Variants in OMA1 observed in about 807,000 individuals in gnomAD.
The protein encoded by OMA1 is metalloendopeptidase OMA1, mitochondrial.
In OMA1, 38 loss-of-function variants were observed where a neutral mutation model predicts 30.9. The observed-to-expected ratio is 1.23, with a 90% CI of 0.95 to 1.61. The LOEUF is 1.61. Among genes scored for constraint, OMA1 ranks in the 40% most tolerant of loss-of-function variants. OMA1 has a pLI of 0.00. For missense variants in OMA1, 461 were observed against 349.2 expected, an observed-to-expected ratio of 1.32 and a Z score of -2.55; for synonymous variants, 173 against 121.9, an observed-to-expected ratio of 1.42 and a Z score of -2.76.
At chr1:58,504,126 G>C (rs903562650) in intron 8 of OMA1, among the ~76,000 whole-genome samples, 1 of 152,086 alleles carries the variant, frequency 6.6e-6, no homozygotes, top group Non-Finnish European at 1.5e-5. Context: ...TAAAACATGA[G>C]TCAAATCAAG....
chr1:58,530,413 G>A (rs1646416752), intron 6 of OMA1, among the ~76,000 whole-genome samples, 188 bp downstream of exon 6: 1 of 152,154 alleles, frequency 6.6e-6, no homozygotes, highest in South Asian at 2.1e-4. Context: ...GAGAGATGTA[G>A]TATTCCTTAA....
At chr1:58,482,367 G>A (rs373874649) in intron 8 of OMA1, among the ~76,000 whole-genome samples, 2 of 152,342 alleles carry the variant, frequency 1.3e-5, no homozygotes. Context: ...ACTGATGGCA[G>A]GGTTGAGGGA....
At chr1:58,507,256 T>C (rs150643535) in intron 7 of OMA1, among the ~76,000 whole-genome samples, 1 of 152,026 alleles carries the variant, frequency 6.6e-6, no homozygotes, top group Admixed American at 6.6e-5. Flanking sequence ...TTCCCAATGA[T>C]TTTATTTTTG....
intron 7 of OMA1, among the ~76,000 whole-genome samples, chr1:58,523,980 C>T (rs571081134): frequency 1.3e-5 from 2 of 152,282 alleles, no homozygotes; most frequent in South Asian, 4.1e-4. Context: ...GGAACCAATC[C>T]AGAAAAAGCG....
chr1:58,530,889 C>T (rs1646424927), intron 5 of OMA1, among the ~76,000 whole-genome samples, 160 bp from the exon 6 acceptor site: 1 of 152,134 alleles, frequency 6.6e-6, no homozygotes, highest in South Asian at 2.1e-4. Context: ...GTCTGTTTTT[C>T]CCTTCCTTGG....
At chr1:58,488,361 G>A (rs1023708577) in intron 8 of OMA1, among the ~76,000 whole-genome samples, 8 of 152,102 alleles carry the variant, frequency 5.3e-5, no homozygotes, top group African/African-American at 1.7e-4. Context: ...TTGGGGAACA[G>A]GCAGTGTTCA....
chr1:58,518,272 G>GGA (rs1553123875), intron 7 of OMA1, among the ~76,000 whole-genome samples: 2 of 650 alleles, frequency 3.1e-3, no homozygotes, highest in Non-Finnish European at 5.4e-3. Context: ...AGAGGAGAGA[G>GGA]GAGAGGAGAA....
At chr1:58,546,374 A>C (rs1430397803) in intron 1 of OMA1, among the ~76,000 whole-genome samples, 1 of 152,052 alleles carries the variant, frequency 6.6e-6, no homozygotes, top group African/African-American at 2.4e-5. Context: ...GCTGAGGGGG[A>C]GGGCAGGCGG....
chr1:58,542,496 A>G (rs1646637979), intron 1 of OMA1: 1 of 152,228 alleles, frequency 6.6e-6, no homozygotes, highest in African/African-American at 2.4e-5. Context: ...ATGCATTCTT[A>G]AAAAGACATC....
chr1:58,544,881 A>G (rs1646676457), intron 1 of OMA1, among the ~76,000 whole-genome samples: 1 of 152,168 alleles, frequency 6.6e-6, no homozygotes, highest in Non-Finnish European at 1.5e-5. Context: ...GGCCTGAGCC[A>G]CCGCACCTGG....
intron 7 of OMA1, among the ~76,000 whole-genome samples, chr1:58,520,950 A>G (rs1294944881): frequency 1.3e-5 from 2 of 152,224 alleles, no homozygotes; most frequent in African/African-American, 4.8e-5. Flanking sequence ...AAATTGACAC[A>G]CTTGGCAAAA....
chr1:58,530,072 A>G (rs1047302648), intron 6 of OMA1, among the ~76,000 whole-genome samples: 1 of 152,080 alleles, frequency 6.6e-6, no homozygotes, highest in East Asian at 1.9e-4. Context: ...TAGTAGAGAC[A>G]GGGTTTCACC....
rs1646517614 is a variant in OMA1 at position 58,536,391 on chromosome 1, A to T, written c.729+122T>A. ...AAAGGTCTGAGGCCTTCGGGAAAAA[A>T]AAATGCTAATTTCATATCAAAGACT... On this transcript the variant is annotated intron_variant, in intron 3 of 8. Transcript: ENST00000371226. 8.0e-6 allele frequency: 5 copies of T among 628,838 alleles called. No homozygotes were observed. In the Admixed American group the frequency reaches 1.2e-4, roughly 15 times the overall value. The allele number at this position is 628,838 out of a possible 1,614,324, so 39.0% of individuals were successfully genotyped here.
chr1:58,500,597 AT>A (rs1235725211), intron 8 of OMA1, among the ~76,000 whole-genome samples: 2 of 152,184 alleles, frequency 1.3e-5, no homozygotes, highest in Non-Finnish European at 2.9e-5. Context: ...TTTGATAAAG[AT>A]TTTTTTAAGT....
At chr1:58,488,738 CCA>C (rs780710524) in intron 8 of OMA1, among the ~76,000 whole-genome samples, 12 of 152,264 alleles carry the variant, frequency 7.9e-5, no homozygotes, top group Non-Finnish European at 1.5e-4. Context: ...GCGTGAGCCA[CCA>C]CGCCCAGCCC....
intron 8 of OMA1, among the ~76,000 whole-genome samples, chr1:58,488,857 T>C (rs1291874218): frequency 6.6e-6 from 1 of 152,258 alleles, no homozygotes; most frequent in African/African-American, 2.4e-5. Flanking sequence ...TAGCTCCCAC[T>C]TATCAGTGAG....
At chr1:58,487,473 T>G (rs976033020) in intron 8 of OMA1, among the ~76,000 whole-genome samples, 18 of 152,344 alleles carry the variant, frequency 1.2e-4, no homozygotes, top group South Asian at 1.0e-3. Context: ...TCATTTATGC[T>G]TGTAAAATGA....
At chr1:58,545,485 A>G (rs985856203) in intron 1 of OMA1, among the ~76,000 whole-genome samples, 1 of 148,624 alleles carries the variant, frequency 6.7e-6, no homozygotes, top group African/African-American at 2.4e-5. Flanking sequence ...CAAGGAGCCA[A>G]TCACTAGACT....
intron 8 of OMA1, among the ~76,000 whole-genome samples, chr1:58,496,659 T>A (rs572271823): frequency 2.5e-4 from 38 of 152,304 alleles, no homozygotes; most frequent in African/African-American, 9.1e-4. Flanking sequence ...TAAATAAGAT[T>A]ATCCTCATTT....
Sources: gnomAD v4.1 joint callset for allele counts (sites outside exome capture counted in the v4.1 genomes callset) on GRCh38, gnomAD v4.1.1 for gene constraint, MANE v1.5 for transcripts, NCBI Gene and HGNC (gene_info 2026-07-23, HGNC 2026-07-21) for gene names.